Variants in KAZN observed in about 807,000 individuals in gnomAD.
KAZN encodes kazrin, periplakin interacting protein, also known as kazrin.
KAZN carries 40 observed loss-of-function variants against 87.4 expected under a neutral mutation model. That is an observed-to-expected ratio of 0.46 (90% confidence interval 0.36 to 0.60). KAZN has a LOEUF of 0.60. Among genes scored for constraint, KAZN ranks in the 20% least tolerant of loss-of-function variants. The probability of loss-of-function intolerance (pLI) is 0.00; values close to 1 mark genes in which losing one functional copy is unlikely to be tolerated. For synonymous variants in KAZN, 466 were observed against 458.3 expected (o/e 1.02, Z -0.22); for missense variants, 898 against 1,073.9 (o/e 0.84, Z 2.29).
intron 1 of KAZN, among the ~76,000 whole-genome samples, chr1:14,787,800 G>A (rs1630120): frequency 0.55 from 83,772 of 151,948 alleles, 24,012 homozygotes; most frequent in East Asian, 0.64. Context: ...CAGCTGTCTA[G>A]GAATCCGCAA....
At chr1:15,040,863 T>C (rs1672817474) in intron 3 of KAZN, among the ~76,000 whole-genome samples, 1 of 152,046 alleles carries the variant, frequency 6.6e-6, no homozygotes, top group East Asian at 1.9e-4. Context: ...AAATGCACTT[T>C]CCCTGTCACG....
intron 1 of KAZN, among the ~76,000 whole-genome samples, chr1:13,979,773 C>T (rs1480094621): frequency 6.6e-6 from 1 of 151,640 alleles, no homozygotes; most frequent in Admixed American, 6.6e-5. Flanking sequence ...CTAAAAAATA[C>T]CAAAAAAATT....
intron 2 of KAZN, among the ~76,000 whole-genome samples, chr1:14,422,396 T>C (rs1665482849): frequency 6.6e-6 from 1 of 152,158 alleles, no homozygotes; most frequent in Non-Finnish European, 1.5e-5. Flanking sequence ...GCAAACTACG[T>C]AGGTAAAGTA....
chr1:14,079,381 G>T (rs1463491102), intron 1 of KAZN, among the ~76,000 whole-genome samples: 2 of 152,254 alleles, frequency 1.3e-5, no homozygotes, highest in African/African-American at 4.8e-5. Flanking sequence ...AACTGTTCTT[G>T]GAGTTACTTC....
At chr1:14,143,608 C>T (rs552065242) in intron 1 of KAZN, among the ~76,000 whole-genome samples, 1 of 152,268 alleles carries the variant, frequency 6.6e-6, no homozygotes, top group African/African-American at 2.4e-5. Flanking sequence ...AGACAGTATA[C>T]ATTTTACTAA....
At chr1:14,380,831 A>T (rs1571456442) in intron 2 of KAZN, among the ~76,000 whole-genome samples, 1 of 152,348 alleles carries the variant, frequency 6.6e-6, no homozygotes, top group East Asian at 1.9e-4. Context: ...AACACAAAAC[A>T]TCCCAAACCT....
intron 1 of KAZN, among the ~76,000 whole-genome samples, chr1:14,876,395 T>C (rs1448941465): frequency 6.6e-6 from 1 of 152,210 alleles, no homozygotes; most frequent in Non-Finnish European, 1.5e-5. Context: ...AGGCAGGTGA[T>C]TAAACATGCC....
At chr1:14,904,774 T>C (rs1656321595) in intron 1 of KAZN, among the ~76,000 whole-genome samples, 1 of 152,228 alleles carries the variant, frequency 6.6e-6, no homozygotes, top group Non-Finnish European at 1.5e-5. Context: ...TTGTTTTTGT[T>C]TTTTTGAGAT....
At chr1:14,910,061 TAATGAATGAATG>T (rs113826124) in intron 1 of KAZN, among the ~76,000 whole-genome samples, 4 of 147,240 alleles carry the variant, frequency 2.7e-5, no homozygotes, top group South Asian at 4.5e-4. Flanking sequence ...AATAAATAAA[TAATGAATGAATG>T]AATGAATGAA....
intron 2 of KAZN, among the ~76,000 whole-genome samples, chr1:15,032,612 A>G (rs949344714): frequency 6.6e-6 from 1 of 152,102 alleles, no homozygotes; most frequent in Admixed American, 6.6e-5. Context: ...TGGCCTCTTT[A>G]TCCATGGGTT....
chr1:14,030,798 A>G (rs1641293753), intron 1 of KAZN, among the ~76,000 whole-genome samples: 1 of 152,166 alleles, frequency 6.6e-6, no homozygotes, highest in South Asian at 2.1e-4. Context: ...ACTTAAGGAC[A>G]GGGTGCTAAA....
At chr1:14,455,513 A>G (rs1667520780) in intron 2 of KAZN, among the ~76,000 whole-genome samples, 1 of 152,102 alleles carries the variant, frequency 6.6e-6, no homozygotes, top group Non-Finnish European at 1.5e-5. Flanking sequence ...AGGCTTTGAG[A>G]CCCCTACCTT....
intron 1 of KAZN, among the ~76,000 whole-genome samples, chr1:13,915,121 G>A (rs1458764022): frequency 6.6e-6 from 1 of 152,164 alleles, no homozygotes; most frequent in Non-Finnish European, 1.5e-5. Context: ...GTGTATACGT[G>A]CAGTTGTATA....
intron 1 of KAZN, among the ~76,000 whole-genome samples, chr1:14,155,244 T>A (rs1645566987): frequency 1.3e-5 from 2 of 152,206 alleles, no homozygotes. Context: ...TTGGGTTTCA[T>A]CATGGTTCAA....
chr1:13,992,509 G>A (rs751306895), intron 1 of KAZN, among the ~76,000 whole-genome samples: 11 of 152,222 alleles, frequency 7.2e-5, no homozygotes, highest in East Asian at 1.9e-4. Context: ...ATGGTGGCTC[G>A]AAGGAGTACC....
At chr1:14,601,469 T>C (rs1407801222) in intron 1 of KAZN, among the ~76,000 whole-genome samples, 4 of 152,044 alleles carry the variant, frequency 2.6e-5, no homozygotes, top group African/African-American at 4.8e-5. Flanking sequence ...GGAGTTGTTT[T>C]TGTTTGTTTT....
chr1:14,435,457 AG>A (rs1232774087), intron 2 of KAZN, among the ~76,000 whole-genome samples: 1 of 152,184 alleles, frequency 6.6e-6, no homozygotes, highest in Non-Finnish European at 1.5e-5. Flanking sequence ...CTTTGACACT[AG>A]GGGGCAGCTC....
chr1:13,994,160 T>C (rs1276244933), intron 1 of KAZN, among the ~76,000 whole-genome samples: 1 of 152,204 alleles, frequency 6.6e-6, no homozygotes, highest in Admixed American at 6.5e-5. Context: ...TATAAACCCA[T>C]GTGTGCTGTG....
chr1:15,068,601 A>G (rs1296547792), intron 8 of KAZN, among the ~76,000 whole-genome samples: 2 of 151,934 alleles, frequency 1.3e-5, no homozygotes, highest in African/African-American at 4.8e-5. Flanking sequence ...GAGGAGCTTC[A>G]GGGAGATAGA....
Sources: allele counts gnomAD v4.1 joint callset (sites outside exome capture counted in the v4.1 genomes callset), GRCh38; gene constraint gnomAD v4.1.1; transcripts MANE v1.5; gene names NCBI Gene and HGNC (gene_info 2026-07-23, HGNC 2026-07-21).